The following PRR16 variants were observed in gnomAD, a reference collection of about 807,000 sequenced individuals.
PRR16 encodes proline rich 16.
In PRR16, 6 loss-of-function variants were observed where a neutral mutation model predicts 18.2. The observed-to-expected ratio is 0.33, with a 90% CI of 0.18 to 0.65. The LOEUF (loss-of-function observed/expected upper bound fraction) is 0.65, where lower values mean the gene tolerates loss of function less well. Among genes scored for constraint, PRR16 ranks in the 30% least tolerant of loss-of-function variants. The pLI is 0.74. For missense variants in PRR16, 412 were observed against 376.6 expected (o/e 1.09, Z -0.78); for synonymous variants, 151 against 147.8 (o/e 1.02, Z -0.16).
rs923970820 is a variant in PRR16, at chr5:120,673,569, AG to A, written c.160-12384del. 3.3e-5 allele frequency among the ~76,000 whole-genome samples: 5 copies of A among 152,174 alleles called. No homozygotes were observed. The South Asian group carries it at 6.2e-4, about 19-fold the overall frequency. ...ACATTTTTATACAAATCTTATCTAGAGTGGAATTTTATATTTAGATATGGGC... is the reference window on the plus strand; with the variant it reads ...ACATTTTTATACAAATCTTATCTAGATGGAATTTTATATTTAGATATGGGC... On this transcript the variant is annotated intron_variant, in intron 1 of 1. Coordinates refer to ENST00000407149, the MANE Select transcript of PRR16 (RefSeq NM_001300783.2).
At chr5:120,735,670 T>TTGTTGG in the PRR16 span, among the ~76,000 whole-genome samples, 4 of 151,784 alleles carry the variant, frequency 2.6e-5, no homozygotes, top group Non-Finnish European at 5.9e-5. Flanking sequence ...ATTTTTGTTG[T>TTGTTGG]TGTTGTTGTT....
intron 1 of PRR16, among the ~76,000 whole-genome samples, chr5:120,587,081 C>T (rs1753472671): frequency 6.6e-6 from 1 of 152,138 alleles, no homozygotes; most frequent in East Asian, 1.9e-4. Context: ...TAAGCCAAAA[C>T]CTGGTCCAGA....
intron 1 of PRR16, among the ~76,000 whole-genome samples, chr5:120,504,288 G>A (rs1750568950): frequency 6.6e-6 from 1 of 152,106 alleles, no homozygotes; most frequent in Admixed American, 6.6e-5. Context: ...ATCACCTCAA[G>A]TTGTAAAAAT....
chr5:120,524,882 G>T (rs944320386), intron 1 of PRR16, among the ~76,000 whole-genome samples: 2 of 152,088 alleles, frequency 1.3e-5, no homozygotes, highest in Admixed American at 6.5e-5. Flanking sequence ...TGAAATGGCT[G>T]GCAAAAAGGT....
chr5:120,628,681 A>T (rs201620634), intron 1 of PRR16, among the ~76,000 whole-genome samples: 114 of 144,680 alleles, frequency 7.9e-4, no homozygotes, highest in South Asian at 2.5e-3. Flanking sequence ...CTATCTATCT[A>T]TCTATCATTC....
rs1561526504 is a variant in PRR16 at position 120,516,483 on chromosome 5, G to GAACA, written c.159+51838_159+51839insAACA. Among the ~76,000 whole-genome samples, 371 of 104,562 alleles carry GAACA rather than the reference G, an allele frequency of 3.5e-3. 4 individuals carry two copies. Among genetic ancestry groups the GAACA allele is most frequent in the African/African-American group, 0.013 (350 of 26,022 alleles). 68.6% of individuals were successfully genotyped at this position (104,562 alleles called of 152,430 possible). On this transcript the variant is annotated intron_variant, in intron 1 of 1. Transcript: ENST00000407149. ...TGTGATATTATTTCTCAGGAGGGAA[G>GAACA]GACACACACACACACACACACACAC...
chr5:120,679,869 G>A (rs886282040), intron 1 of PRR16, among the ~76,000 whole-genome samples: 1 of 152,076 alleles, frequency 6.6e-6, no homozygotes. Flanking sequence ...GGGAAATGTA[G>A]GTCAAAGGAT....
At chr5:120,722,879 A>G in the PRR16 span, among the ~76,000 whole-genome samples, 966 of 151,244 alleles carry the variant, frequency 6.4e-3, 12 homozygotes, top group African/African-American at 0.023. Context: ...AGATATACAG[A>G]CAGACATATA....
chr5:120,480,094 C>T (rs948762783), intron 1 of PRR16, among the ~76,000 whole-genome samples: 1 of 152,020 alleles, frequency 6.6e-6, no homozygotes. Flanking sequence ...ATTGTATGCC[C>T]TTGGGGAAAC....
chr5:120,702,436 C>T, the PRR16 span, among the ~76,000 whole-genome samples: 39 of 151,782 alleles, frequency 2.6e-4, no homozygotes, highest in Non-Finnish European at 5.3e-4. Flanking sequence ...CTTGCCCTTC[C>T]CCTAGAAAAG....
chr5:120,678,267 C>A (rs955540699), intron 1 of PRR16, among the ~76,000 whole-genome samples: 2 of 152,058 alleles, frequency 1.3e-5, no homozygotes, highest in African/African-American at 4.8e-5. Context: ...CCAAGTCTCA[C>A]CAATTCTATA....
At chr5:120,569,318 A>G (rs182547647) in intron 1 of PRR16, among the ~76,000 whole-genome samples, 361 of 152,252 alleles carry the variant, frequency 2.4e-3, no homozygotes, top group Non-Finnish European at 3.3e-3. Flanking sequence ...ATACAGTTTG[A>G]TGCTCTGGAG....
At chr5:120,698,566 A>G in the PRR16 span, among the ~76,000 whole-genome samples, 16 of 149,556 alleles carry the variant, frequency 1.1e-4, no homozygotes, top group East Asian at 2.7e-3. Flanking sequence ...TAGGAGTATG[A>G]CTAGACAGAA....
At chr5:120,583,715 G>T (rs1452301714) in intron 1 of PRR16, among the ~76,000 whole-genome samples, 3 of 152,036 alleles carry the variant, frequency 2.0e-5, no homozygotes, top group Admixed American at 6.6e-5. Context: ...CTTGAGGGTG[G>T]TATTGTTTGT....
At chr5:120,701,703 C>G in the PRR16 span, among the ~76,000 whole-genome samples, 1 of 152,014 alleles carries the variant, frequency 6.6e-6, no homozygotes, top group African/African-American at 2.4e-5. Context: ...ATTAGAAAGA[C>G]TCAGCAACGC....
chr5:120,537,356 G>A (rs1248982067), intron 1 of PRR16, among the ~76,000 whole-genome samples: 1 of 152,064 alleles, frequency 6.6e-6, no homozygotes, highest in Non-Finnish European at 1.5e-5. Context: ...TTTTGGAAGA[G>A]GTGTTATTAA....
chr5:120,726,550 G>A, the PRR16 span, among the ~76,000 whole-genome samples: 5 of 151,962 alleles, frequency 3.3e-5, no homozygotes, highest in African/African-American at 4.8e-5. Context: ...GGCAGCTGTC[G>A]TCATCATAAC....
At chr5:120,742,366 T>G in the PRR16 span, among the ~76,000 whole-genome samples, 1 of 151,494 alleles carries the variant, frequency 6.6e-6, no homozygotes, top group Non-Finnish European at 1.5e-5. Flanking sequence ...TTGGAAAGTT[T>G]ATAATGCTCT....
chr5:120,542,813 T>A (rs10069672), intron 1 of PRR16, among the ~76,000 whole-genome samples: 28,007 of 152,124 alleles, frequency 0.18, 2,801 homozygotes, highest in Non-Finnish European at 0.21. Context: ...CTTATTCACA[T>A]TTATTTGTCT....
Sources: allele counts gnomAD v4.1 joint callset (sites outside exome capture counted in the v4.1 genomes callset), GRCh38; gene constraint gnomAD v4.1.1; transcripts MANE v1.5; gene names NCBI Gene and HGNC (gene_info 2026-07-23, HGNC 2026-07-21).